The following PIK3CB variants were observed in gnomAD, a reference collection of about 807,000 sequenced individuals.
The protein encoded by PIK3CB is phosphatidylinositol 4,5-bisphosphate 3-kinase catalytic subunit beta isoform.
A neutral mutation model predicts 136.8 loss-of-function variants in PIK3CB; 39 were observed. The observed-to-expected ratio is 0.29, with a 90% CI of 0.22 to 0.37. The LOEUF is 0.37. Among genes scored for constraint, PIK3CB ranks in the 10% least tolerant of loss-of-function variants. PIK3CB has a pLI of 1.00. For missense variants in PIK3CB, 868 were observed against 1,275.4 expected, an observed-to-expected ratio of 0.68 and a Z score of 4.87; for synonymous variants, 428 against 436.6, an observed-to-expected ratio of 0.98 and a Z score of 0.25.
intron 5 of PIK3CB, among the ~76,000 whole-genome samples, chr3:138,741,221 A>G (rs993524393): frequency 1.3e-5 from 2 of 152,210 alleles, no homozygotes; most frequent in Non-Finnish European, 2.9e-5. Context: ...GTTGTCTAAA[A>G]GGAGGCAAAA....
At chr3:138,814,532 G>A (rs925502248) in intron 1 of PIK3CB, among the ~76,000 whole-genome samples, 3 of 151,472 alleles carry the variant, frequency 2.0e-5, no homozygotes, top group Non-Finnish European at 4.4e-5. Flanking sequence ...GGAAGACCAG[G>A]GCTATTTCAC....
intron 2 of PIK3CB, among the ~76,000 whole-genome samples, chr3:138,784,955 G>A (rs1364489577): frequency 1.3e-5 from 2 of 151,246 alleles, no homozygotes; most frequent in Non-Finnish European, 2.9e-5. Context: ...GAGCGTCTCT[G>A]CCCGGCCACC....
chr3:138,805,954 T>C (rs1444054677), intron 1 of PIK3CB, among the ~76,000 whole-genome samples: 2 of 151,562 alleles, frequency 1.3e-5, no homozygotes, highest in African/African-American at 4.8e-5. Flanking sequence ...GGTCTCAATC[T>C]CCTGACTTCG....
chr3:138,692,970 T>A (rs982063431), intron 14 of PIK3CB, among the ~76,000 whole-genome samples: 2 of 152,184 alleles, frequency 1.3e-5, no homozygotes, highest in Non-Finnish European at 2.9e-5. Flanking sequence ...TAATAGGGAA[T>A]GAATTAAATA....
At chr3:138,690,185 CACA>C (rs1332176604) in intron 15 of PIK3CB, among the ~76,000 whole-genome samples, 7 of 149,160 alleles carry the variant, frequency 4.7e-5, no homozygotes, top group African/African-American at 1.7e-4. Context: ...AAATTAAGAG[CACA>C]ACATTATAGA....
chr3:138,822,492 C>T (rs372633800), intron 1 of PIK3CB, among the ~76,000 whole-genome samples: 7 of 150,432 alleles, frequency 4.7e-5, no homozygotes, highest in Admixed American at 3.3e-4. Context: ...GCCAAGTTCA[C>T]GACACTGTAC....
At position 138,759,265 on chromosome 3, in the gene PIK3CB, C is replaced by T; in HGVS notation, c.79G>A (p.Asp27Asn). 5 of 1,613,128 alleles carry T rather than the reference C, an allele frequency of 3.1e-6. No homozygotes were observed. Among genetic ancestry groups the T allele is most frequent in the Non-Finnish European group, 4.2e-6 (5 of 1,179,198 alleles). ...IWAVDSQIASDGSIPVDFLLP... is the reference protein window; with the variant it reads ...IWAVDSQIASNGSIPVDFLLP... ...AGGAAATCCACAGGTATGGAGCCAT[C>T]AGATGCTATCTGTGAATCCACCGCC... Residue 27 changes from aspartate (D) to asparagine (N), a missense_variant, in exon 3 of 24, where the codon GAT (aspartate) becomes AAT (asparagine). Coordinates refer to ENST00000674063, the MANE Select transcript of PIK3CB (RefSeq NM_006219.3).
intron 1 of PIK3CB, among the ~76,000 whole-genome samples, chr3:138,816,239 G>T (rs893634731): frequency 5.3e-5 from 8 of 152,114 alleles, no homozygotes; most frequent in Admixed American, 3.9e-4. Context: ...GGAGATTGAA[G>T]CTGTAGTGAG....
Position 138,751,197 on chromosome 3 carries a change from G to A in PIK3CB, c.397+4557C>T, listed in dbSNP as rs374699749. Among the ~76,000 whole-genome samples the A allele has an allele frequency of 2.1e-3, 317 of 152,178 alleles. 1 individual carries two copies. Among genetic ancestry groups the A allele is most frequent in the African/African-American group, 7.1e-3 (296 of 41,540 alleles). ...TTTTAGGCCGGGCGCAGTAGCTCACGCCTGTAATCCTAGCACTTTGGGAGG... is the reference window on the plus strand; with the variant it reads ...TTTTAGGCCGGGCGCAGTAGCTCACACCTGTAATCCTAGCACTTTGGGAGG... On this transcript the variant is annotated intron_variant, in intron 4 of 23. Transcript: ENST00000674063.
At chr3:138,736,935 T>C (rs527797140) in intron 6 of PIK3CB, among the ~76,000 whole-genome samples, 252 of 152,270 alleles carry the variant, frequency 1.7e-3, no homozygotes, top group African/African-American at 5.9e-3. Context: ...TAAGTTTTTA[T>C]ACAATTCAAT....
chr3:138,715,878 C>A (rs927365044), intron 8 of PIK3CB, among the ~76,000 whole-genome samples: 4 of 151,722 alleles, frequency 2.6e-5, no homozygotes, highest in Admixed American at 6.6e-5. Flanking sequence ...AAATAATATT[C>A]TTTTATCTAA....
At chr3:138,727,454 ACAGGG>A (rs2044864269) in intron 8 of PIK3CB, among the ~76,000 whole-genome samples, 1 of 152,254 alleles carries the variant, frequency 6.6e-6, no homozygotes. Context: ...AGACAGGGCC[ACAGGG>A]CAAGGATCTG....
intron 1 of PIK3CB, among the ~76,000 whole-genome samples, chr3:138,831,952 G>A (rs1366448048): frequency 6.6e-6 from 1 of 152,060 alleles, no homozygotes; most frequent in East Asian, 1.9e-4. Context: ...AGGCCCATAA[G>A]ACTGGGTAAC....
intron 2 of PIK3CB, among the ~76,000 whole-genome samples, chr3:138,776,830 G>A (rs2045864315): frequency 6.6e-6 from 1 of 151,346 alleles, no homozygotes; most frequent in Non-Finnish European, 1.5e-5. Flanking sequence ...GGCTGAGGTA[G>A]GAGGATCACT....
intron 2 of PIK3CB, among the ~76,000 whole-genome samples, chr3:138,791,382 G>A (rs1447588024): frequency 3.9e-5 from 6 of 152,022 alleles, no homozygotes; most frequent in African/African-American, 9.7e-5. Context: ...GGATCTGCCC[G>A]TCTCAGCCTC....
At chr3:138,804,667 G>A (rs568275943) in intron 1 of PIK3CB, among the ~76,000 whole-genome samples, 9 of 152,228 alleles carry the variant, frequency 5.9e-5, no homozygotes, top group African/African-American at 2.2e-4. Context: ...AATGCAAGAC[G>A]CAATTGCTTA....
chr3:138,771,925 A>G (rs917709374), intron 2 of PIK3CB, among the ~76,000 whole-genome samples: 16 of 151,836 alleles, frequency 1.1e-4, no homozygotes, highest in Admixed American at 3.3e-4. Context: ...CAGTCTCAAA[A>G]AAAAAAAAAA....
In PIK3CB at chr3:138,742,572, A is replaced by G; in HGVS notation, c.607T>C (p.Phe203Leu). 1 of 1,533,948 alleles carries G rather than the reference A, an allele frequency of 6.5e-7. No homozygotes were observed. The highest frequency in any genetic ancestry group is 8.9e-7 in the Non-Finnish European group (1 of 1,120,924). The change falls in exon 5 of 24, where the codon TTT becomes CTT. Residue 203 changes from phenylalanine (F) to leucine (L), a missense_variant. Physicochemically the swap from Phe to Leu is conservative, Grantham distance 22 (BLOSUM62 0). Transcript: ENST00000674063. ...TATAATCCTACCTGGCAGTTTTCAA[A>G]ATGAACAGCTACGATGAGCTTTCCC... ...YGGKLIVAVH[F>L]ENCQDVFSFQ...
chr3:138,739,428 C>T (rs562050573), intron 5 of PIK3CB, among the ~76,000 whole-genome samples: 50 of 148,836 alleles, frequency 3.4e-4, no homozygotes, highest in Admixed American at 2.0e-3. Flanking sequence ...GGCGACAGAG[C>T]GAGACTCCGA....
Sources: allele counts gnomAD v4.1 joint callset (sites outside exome capture counted in the v4.1 genomes callset), GRCh38; gene constraint gnomAD v4.1.1; transcripts MANE v1.5; gene names NCBI Gene and HGNC (gene_info 2026-07-23, HGNC 2026-07-21).